MED6: variants seen among roughly 807,000 people sequenced by gnomAD.
MED6 encodes mediator complex subunit 6.
A neutral mutation model predicts 37.5 loss-of-function variants in MED6; 33 were observed. That is an observed-to-expected ratio of 0.88 (90% CI 0.67 to 1.18). MED6 has a LOEUF of 1.18. Ranked by LOEUF, MED6 falls within the 50% of genes most tolerant of loss-of-function variation. The pLI, the probability that MED6 is intolerant of heterozygous loss-of-function variation, is 0.00. For synonymous variants in MED6, 94 were observed against 93.6 expected (o/e 1.00, Z -0.02); for missense variants, 235 against 290.6 (o/e 0.81, Z 1.39).
intron 7 of MED6, among the ~76,000 whole-genome samples, chr14:70,585,470 C>T (rs1259781476): frequency 2.0e-5 from 3 of 152,104 alleles, no homozygotes; most frequent in African/African-American, 7.2e-5. Flanking sequence ...CTGTTCAACC[C>T]ACCGCCCACG....
intron 3 of MED6, among the ~76,000 whole-genome samples, chr14:70,593,979 T>G (rs756001859): frequency 6.6e-6 from 1 of 152,230 alleles, no homozygotes; most frequent in African/African-American, 2.4e-5. Flanking sequence ...AAATCTTGTC[T>G]TGTCGCTGGT....
chr14:70,597,499 C>G, intron 2 of MED6, 119 bp downstream of exon 2: 2 of 894,378 alleles, frequency 2.2e-6, no homozygotes, highest in Non-Finnish European at 3.1e-6. Context: ...TAAACCCAAA[C>G]AAAACTCCAG....
intron 2 of MED6, 179 bp from the exon 3 acceptor site, chr14:70,596,881 T>C (rs188455491): frequency 5.9e-6 from 3 of 506,322 alleles, no homozygotes; most frequent in East Asian, 6.1e-5. Flanking sequence ...AGGTGGCATA[T>C]AGATAAAGTA....
rs555038361 is a variant in MED6 at position 70,594,128 on chromosome 14, TA to T, written c.275-751del. 3.4e-3 allele frequency among the ~76,000 whole-genome samples: 519 copies of T among 152,328 alleles called. 3 individuals are homozygous for T. The highest frequency in any genetic ancestry group is 0.012 in the African/African-American group (490 of 41,572). Reference sequence around the variant, plus strand: ...ACAATGCCAAGTTAAAGATTGTCCATAAATGTCTTAATGAGGGTATCCAATT... The same window carrying T: ...ACAATGCCAAGTTAAAGATTGTCCATAATGTCTTAATGAGGGTATCCAATT... On this transcript the variant is annotated intron_variant, in intron 3 of 7. Coordinates refer to ENST00000256379, the MANE Select transcript of MED6 (RefSeq NM_005466.4).
intron 5 of MED6, chr14:70,591,582 C>G (rs1884871200): frequency 2.1e-6 from 1 of 479,724 alleles, no homozygotes; most frequent in Non-Finnish European, 3.6e-6. Context: ...AAGTTAAATT[C>G]TAACATTTAA....
intron 6 of MED6, among the ~76,000 whole-genome samples, chr14:70,587,026 GGTT>G (rs1459851166): frequency 1.3e-5 from 2 of 152,104 alleles, no homozygotes; most frequent in African/African-American, 2.4e-5. Flanking sequence ...TTTCTTCAGA[GGTT>G]GTGAAATTTT....
At chr14:70,597,915 A>G in intron 1 of MED6, 138 bp from the exon 2 acceptor site, 2 of 535,194 alleles carry the variant, frequency 3.7e-6, no homozygotes, top group Non-Finnish European at 6.0e-6. Context: ...CACTCTCATG[A>G]TGTAACAGAA....
rs1195362900 is a variant in MED6, at chr14:70,600,555, C to G, written c.22+61G>C. 3 of 1,593,144 alleles carry G rather than the reference C, an allele frequency of 1.9e-6. No individual in the cohort carries two copies. The African/African-American group carries it at 4.0e-5, about 21-fold the overall frequency. ...GGAACCTAAACCTTGAAACCGCGAG[C>G]TATAACATCCCAAACTGGTCCACAG... is the stretch of plus-strand genomic sequence containing the variant. On this transcript the variant is annotated intron_variant, in intron 1 of 7. Coordinates refer to ENST00000256379, the MANE Select transcript of MED6 (RefSeq NM_005466.4).
intron 6 of MED6, 32 bp downstream of exon 6, chr14:70,591,234 A>G (rs766295620): frequency 6.7e-7 from 1 of 1,501,656 alleles, no homozygotes; most frequent in Non-Finnish European, 9.2e-7. Flanking sequence ...AAGAAGTGTC[A>G]AATCAAGATT....
intron 6 of MED6, among the ~76,000 whole-genome samples, chr14:70,590,839 T>G (rs931458556): frequency 3.9e-5 from 6 of 152,214 alleles, no homozygotes. Flanking sequence ...TGCCAAACAC[T>G]CTACCTCAGA....
At chr14:70,596,734 A>G in intron 2 of MED6, 32 bp from the exon 3 acceptor site, 2 of 1,431,948 alleles carry the variant, frequency 1.4e-6, no homozygotes, top group Non-Finnish European at 2.0e-6. Flanking sequence ...CCAAAGATCT[A>G]TAAACGCCCT....
At chr14:70,595,270 G>T in intron 3 of MED6, 1 of 547,910 alleles carries the variant, frequency 1.8e-6, no homozygotes, top group Non-Finnish European at 3.6e-6. Context: ...CCAAATCTCA[G>T]GACCTCGCCA....
At chr14:70,587,066 C>T (rs1486629109) in intron 6 of MED6, among the ~76,000 whole-genome samples, 1 of 152,208 alleles carries the variant, frequency 6.6e-6, no homozygotes, top group East Asian at 1.9e-4. Flanking sequence ...AGGATACCTA[C>T]ATGAAGAGCT....
intron 6 of MED6, among the ~76,000 whole-genome samples, chr14:70,589,493 A>C (rs1379051137): frequency 6.6e-6 from 1 of 152,210 alleles, no homozygotes; most frequent in Non-Finnish European, 1.5e-5. Context: ...TGAAGATGAG[A>C]TAGAGGAGTT....
At chr14:70,586,758 T>C (rs1884720066) in intron 6 of MED6, among the ~76,000 whole-genome samples, 2 of 152,160 alleles carry the variant, frequency 1.3e-5, no homozygotes, top group Non-Finnish European at 1.5e-5. Flanking sequence ...CTGCCAACTA[T>C]CCTACTCCAA....
intron 7 of MED6, among the ~76,000 whole-genome samples, chr14:70,585,320 C>A (rs1232659797): frequency 6.6e-6 from 1 of 152,190 alleles, no homozygotes; most frequent in East Asian, 1.9e-4. Flanking sequence ...CTTCCTCACA[C>A]CTCCTCAATA....
At chr14:70,591,616 A>T (rs1432781747) in intron 5 of MED6, 3 of 375,126 alleles carry the variant, frequency 8.0e-6, no homozygotes, top group African/African-American at 4.3e-5. Context: ...TCTTTTAAAG[A>T]TACTTCAGTT....
At chr14:70,599,401 T>A (rs2139606550) in intron 1 of MED6, among the ~76,000 whole-genome samples, 1 of 152,262 alleles carries the variant, frequency 6.6e-6, no homozygotes, top group South Asian at 2.1e-4. Context: ...AGAAATGGCC[T>A]CCTAACTGGT....
At chr14:70,594,555 A>G in intron 3 of MED6, 1 of 400,494 alleles carries the variant, frequency 2.5e-6, no homozygotes, top group Non-Finnish European at 4.9e-6. Context: ...AGACAGCATG[A>G]GTTTCACCAC....
Sources: gnomAD v4.1 joint callset for allele counts (sites outside exome capture counted in the v4.1 genomes callset) on GRCh38, gnomAD v4.1.1 for gene constraint, MANE v1.5 for transcripts, NCBI Gene and HGNC (gene_info 2026-07-23, HGNC 2026-07-21) for gene names.